Variants in EXOSC10 observed in about 807,000 individuals in gnomAD.
The protein encoded by EXOSC10 is exosome component 10.
A neutral mutation model predicts 126.6 loss-of-function variants in EXOSC10; 94 were observed. That is an observed-to-expected ratio of 0.74 (90% CI 0.63 to 0.88). The LOEUF (loss-of-function observed/expected upper bound fraction) is 0.88. Ranked by LOEUF, EXOSC10 falls within the 40% of genes least tolerant of loss-of-function variation. The pLI, the probability that EXOSC10 is intolerant of heterozygous loss-of-function variation, is 0.00. For missense variants in EXOSC10, 1,041 were observed against 1,100.5 expected, an observed-to-expected ratio of 0.95 and a Z score of 0.77; for synonymous variants, 395 against 400.8, an observed-to-expected ratio of 0.99 and a Z score of 0.17.
intron 9 of EXOSC10, among the ~76,000 whole-genome samples, chr1:11,084,764 CGTT>C: frequency 6.6e-6 from 1 of 152,086 alleles, no homozygotes; most frequent in East Asian, 1.9e-4. Flanking sequence ...TTAGGTCTAA[CGTT>C]GTTAAGTCTT....
chr1:11,088,082 G>T, intron 7 of EXOSC10, 41 bp downstream of exon 7: 1 of 1,496,658 alleles, frequency 6.7e-7, no homozygotes, highest in Non-Finnish European at 9.2e-7. Flanking sequence ...ATTCCTCTTG[G>T]GCTACTACAC....
rs748797806 is a variant in EXOSC10 at position 11,067,961 on chromosome 1, T to TG, written c.2627+46dup. ...CACGGACCACACCACGCAGGGCAGG[T>TG]GCTTTCTCACTGGGCTCCCTGGGCC... On this transcript the variant is annotated intron_variant, in intron 24 of 24. Transcript: ENST00000376936. The TG allele has an allele frequency of 2.2e-5, 34 of 1,559,914 alleles. No individual in the cohort carries two copies. In the African/African-American group the frequency reaches 4.5e-4, roughly 21 times the overall value.
chr1:11,089,666 G>T (rs1640696539), intron 6 of EXOSC10, among the ~76,000 whole-genome samples: 1 of 151,410 alleles, frequency 6.6e-6, no homozygotes, highest in South Asian at 2.1e-4. Flanking sequence ...AGAAAACATG[G>T]GCCAGCTCTG....
chr1:11,093,939 A>G (rs1437082350), intron 3 of EXOSC10, among the ~76,000 whole-genome samples: 1 of 151,958 alleles, frequency 6.6e-6, no homozygotes, highest in Non-Finnish European at 1.5e-5. Flanking sequence ...ATTCAGCCAG[A>G]CGTGGTGGTG....
At chr1:11,069,244 T>TGTGTGAGAGAGAGAGAGAGA in intron 22 of EXOSC10, among the ~76,000 whole-genome samples, 2 of 116,826 alleles carry the variant, frequency 1.7e-5, no homozygotes, top group South Asian at 3.1e-4. Context: ...TGTGTGTGTG[T>TGTGTGAGAGAGAGAGAGAGA]GAGAGAGAGA....
chr1:11,095,941 TGAGA>T (rs1216139005), intron 2 of EXOSC10, 60 bp from the exon 3 acceptor site: 2 of 1,579,252 alleles, frequency 1.3e-6, no homozygotes, highest in African/African-American at 1.4e-5. Flanking sequence ...TTACATTCTG[TGAGA>T]GAGAATGTTC....
At chr1:11,074,413 A>ATTTTTTT in intron 17 of EXOSC10, 87 bp from the exon 18 acceptor site, 2 of 742,424 alleles carry the variant, frequency 2.7e-6, no homozygotes, top group African/African-American at 1.9e-5. Context: ...GTTAACAGTG[A>ATTTTTTT]TTTTTTTTTT....
intron 22 of EXOSC10, among the ~76,000 whole-genome samples, chr1:11,069,120 A>T (rs1296375730): frequency 6.6e-6 from 1 of 152,102 alleles, no homozygotes; most frequent in Non-Finnish European, 1.5e-5. Flanking sequence ...AGGCTGCTAG[A>T]GTCGAGAATG....
intron 19 of EXOSC10, 35 bp downstream of exon 19, chr1:11,073,899 A>AAAAAAAT: frequency 1.2e-6 from 1 of 855,618 alleles, no homozygotes; most frequent in Non-Finnish European, 1.8e-6. Flanking sequence ...AAAAAAAAAA[A>AAAAAAAT]AGTCTCTTTT....
Position 11,081,089 on chromosome 1 carries a change from CA to C in EXOSC10, c.1429del (p.Cys477AlafsTer31). ...QVVWQRSRDI[C>X]LKKFIKPIFT... The stretch of plus-strand genomic sequence containing the variant: ...ACTGCGGCTGAGGTGTACCTTGAGG[CA>C]GATGTCCCTGCTCCGTTGCCACACC... On this transcript the variant is annotated frameshift_variant, in exon 11 of 25. Coordinates refer to ENST00000376936, the MANE Select transcript of EXOSC10 (RefSeq NM_001001998.3). LOFTEE classifies it high-confidence loss of function. The C allele has an allele frequency of 6.2e-7, 1 of 1,614,122 alleles. No homozygotes were observed. Among genetic ancestry groups the C allele is most frequent in the Non-Finnish European group, 8.5e-7 (1 of 1,180,016 alleles).
intron 3 of EXOSC10, among the ~76,000 whole-genome samples, chr1:11,093,125 G>A (rs929640045): frequency 1.3e-5 from 2 of 152,268 alleles, no homozygotes; most frequent in East Asian, 1.9e-4. Flanking sequence ...TCATTAGTAT[G>A]TCATGCCAAG....
chr1:11,099,779 G>C lies in EXOSC10; in HGVS notation c.53C>G (p.Thr18Ser). The change falls in exon 1 of 25, where the codon ACC becomes AGC. Residue 18 changes from threonine (T) to serine (S), a missense_variant. Physicochemically the swap from Thr to Ser is moderately conservative, Grantham distance 58. Transcript: ENST00000376936. ...EPRVLSATSA[T>S]KSDGEMVLPG... ...CAGCACCATCTCTCCGTCGGATTTG[G>C]TTGCGCTGGTCGCCGACAGGACCCT... 3 of 1,612,286 alleles carry C rather than the reference G, an allele frequency of 1.9e-6. No individual in the cohort carries two copies. Among genetic ancestry groups the C allele is most frequent in the Non-Finnish European group, 2.5e-6 (3 of 1,179,172 alleles).
rs998124832 is a variant in EXOSC10, at chr1:11,076,897, T to C, written c.1931A>G (p.Asp644Gly). Residue 644 changes from aspartate to glycine, a missense_variant, in exon 17 of 25, where the codon GAT (aspartate) becomes GGT (glycine). By Grantham distance (94) the Asp-to-Gly change is moderately conservative. Around this residue, in one of 3 missense-constraint regions of EXOSC10, gnomAD observed 388 missense variants for 415.2 expected, o/e 0.93. Transcript: ENST00000376936. Reference protein sequence around the residue: ...QASLFPDEKEDNLLGTTCLIA... With the variant: ...QASLFPDEKEGNLLGTTCLIA... ...CAGGCATGTGGTACCCAGCAAGTTATCTTCTTTTTCATCAGGGAAGAGGCT... is the reference window on the plus strand; with the variant it reads ...CAGGCATGTGGTACCCAGCAAGTTACCTTCTTTTTCATCAGGGAAGAGGCT... 2 of 1,613,912 alleles carry C rather than the reference T, an allele frequency of 1.2e-6. No individual in the cohort carries two copies. The highest frequency in any genetic ancestry group is 8.5e-7 in the Non-Finnish European group (1 of 1,180,030).
At chr1:11,099,223 G>A (rs1424851893) in intron 1 of EXOSC10, among the ~76,000 whole-genome samples, 1 of 152,234 alleles carries the variant, frequency 6.6e-6, no homozygotes, top group African/African-American at 2.4e-5. Flanking sequence ...CCTTCCAGGA[G>A]TTACTAATAA....
intron 23 of EXOSC10, chr1:11,068,422 A>T (rs1474183505): frequency 1.7e-6 from 1 of 599,144 alleles, no homozygotes; most frequent in East Asian, 2.8e-5. Flanking sequence ...CCATGGTAGC[A>T]AACACAGAAT....
At chr1:11,072,516 A>C in intron 19 of EXOSC10, 1 of 199,250 alleles carries the variant, frequency 5.0e-6, no homozygotes, top group Non-Finnish European at 1.0e-5. Flanking sequence ...ATGGTCAGTA[A>C]ATGACAGAAG....
chr1:11,076,913 G>A lies in EXOSC10; in HGVS notation c.1915C>T (p.Pro639Ser). The A allele has an allele frequency of 5.0e-6, 8 of 1,613,932 alleles. No individual in the cohort carries two copies. Among genetic ancestry groups the A allele is most frequent in the Non-Finnish European group, 6.8e-6 (8 of 1,180,024 alleles). ...VPVQKQASLF[P>S]DEKEDNLLGT... ...AGCAAGTTATCTTCTTTTTCATCAGGGAAGAGGCTCGCCTGCTTCTGAACT... is the reference window on the plus strand; with the variant it reads ...AGCAAGTTATCTTCTTTTTCATCAGAGAAGAGGCTCGCCTGCTTCTGAACT... Residue 639 changes from proline (P) to serine (S), a missense_variant, in exon 17 of 25, where the codon CCT becomes TCT. By Grantham distance (74) the Pro-to-Ser change is moderately conservative. Transcript: ENST00000376936.
rs1570812819 is a variant in EXOSC10 at position 11,079,778 on chromosome 1, A to G, written c.1682T>C (p.Leu561Pro). 3 of 1,613,876 alleles carry G rather than the reference A, an allele frequency of 1.9e-6. No homozygotes were observed. The highest frequency in any genetic ancestry group is 1.1e-5 in the South Asian group (1 of 90,982). Residue 561 changes from leucine (L) to proline (P), a missense_variant, in exon 14 of 25, where the codon CTT becomes CCT. By Grantham distance (98) the Leu-to-Pro change is moderately conservative (BLOSUM62 -3). Coordinates refer to ENST00000376936, the MANE Select transcript of EXOSC10 (RefSeq NM_001001998.3). ...IIACCNPVPP[L>P]VRQQINEMHL... ...CATTTCGTTGATCTGCTGCCGCACA[A>G]GGGGCGGTACTGGGTTGCAGCAAGC...
rs184500057 is a variant in EXOSC10, at chr1:11,069,625, G to A, written c.2422C>T (p.Pro808Ser). The change falls in exon 22 of 25, where the codon CCA (proline) becomes TCA (serine). Residue 808 changes from proline to serine, a missense_variant. Around this residue, in one of 3 missense-constraint regions of EXOSC10, gnomAD observed 388 missense variants for 415.2 expected, o/e 0.93. Transcript: ENST00000376936. ...RLKISKKPKD[P>S]EPPEKEFTPY... ...GTAAACTCTTTTTCTGGTGGCTCTG[G>A]GTCCTTTGGCTTCTTGGAAATTTTG... 17 of 1,614,118 alleles carry A rather than the reference G, an allele frequency of 1.1e-5. No individual in the cohort carries two copies. The African/African-American group carries it at 1.7e-4, about 16-fold the overall frequency.
Sources: gnomAD v4.1 joint callset for allele counts (sites outside exome capture counted in the v4.1 genomes callset) on GRCh38, gnomAD v4.1.1 for gene constraint, gnomAD v4.1.1 regional missense constraint, MANE v1.5 for transcripts, NCBI Gene and HGNC (gene_info 2026-07-23, HGNC 2026-07-21) for gene names.